NUBP1: variants seen among roughly 807,000 people sequenced by gnomAD.
NUBP1 encodes cytosolic Fe-S cluster assembly factor NUBP1.
A neutral mutation model predicts 41.8 loss-of-function variants in NUBP1; 46 were observed. That is an observed-to-expected ratio of 1.10 (90% CI 0.87 to 1.41). The LOEUF is 1.41. NUBP1 is among the 40% of genes most tolerant of loss of function. NUBP1 has a pLI of 0.00. For synonymous variants in NUBP1, 189 were observed against 154.6 expected, an observed-to-expected ratio of 1.22 and a Z score of -1.65; for missense variants, 494 against 414.0, an observed-to-expected ratio of 1.19 and a Z score of -1.68.
rs1900807719 is a variant in NUBP1 at position 10,759,696 on chromosome 16, A to G, written c.607-1668A>G. Among the ~76,000 whole-genome samples, 1 of 152,162 alleles carries G rather than the reference A, an allele frequency of 6.6e-6. No individual in the cohort carries two copies. Among genetic ancestry groups the G allele is most frequent in the African/African-American group, 2.4e-5 (1 of 41,444 alleles). ...GAGGCTGAGGTGGGAGAAGTGCTTG[A>G]ATCCAGGAGACAGAGGTTGCAGTGA... On this transcript the variant is annotated intron_variant, in intron 7 of 10. Transcript: ENST00000283027. The surrounding 1 kb of genome is among the most constrained non-coding windows in gnomAD (Gnocchi z 4.7).
chr16:10,764,132 C>G (rs2030471227), intron 9 of NUBP1, among the ~76,000 whole-genome samples: 1 of 152,152 alleles, frequency 6.6e-6, no homozygotes, highest in Non-Finnish European at 1.5e-5. Context: ...ACGGGAGCAT[C>G]CCAACTCAAA....
At chr16:10,753,995 G>T (rs1900440448) in intron 4 of NUBP1, among the ~76,000 whole-genome samples, 1 of 152,144 alleles carries the variant, frequency 6.6e-6, no homozygotes. Context: ...GTGAGGCTTG[G>T]TCACATACCC....
At chr16:10,748,988 G>A (rs1900180749) in intron 3 of NUBP1, among the ~76,000 whole-genome samples, 1 of 151,928 alleles carries the variant, frequency 6.6e-6, no homozygotes. Flanking sequence ...CTACTCGGGA[G>A]GCCGAGGCAT....
At chr16:10,760,062 G>C (rs1453732902) in intron 7 of NUBP1, among the ~76,000 whole-genome samples, 1 of 152,252 alleles carries the variant, frequency 6.6e-6, no homozygotes, top group Non-Finnish European at 1.5e-5. Flanking sequence ...TTTATACACA[G>C]TAATCACATT....
rs1015608851 is a variant in NUBP1 at position 10,765,447 on chromosome 16, G to A, written c.821-2502G>A. 2.0e-5 allele frequency among the ~76,000 whole-genome samples: 3 copies of A among 151,948 alleles called. No homozygotes were observed. The highest frequency in any genetic ancestry group is 1.3e-4 in the Admixed American group (2 of 15,244). On this transcript the variant is annotated intron_variant, in intron 9 of 10. Transcript: ENST00000283027. The surrounding 1 kb of genome is among the most constrained non-coding windows in gnomAD (Gnocchi z 4.0). ...ACTTGAGCCCAGGGAGGTTGAGGTTGCAGTGAGCCATGATCACACCACTGC... is the reference window on the plus strand; with the variant it reads ...ACTTGAGCCCAGGGAGGTTGAGGTTACAGTGAGCCATGATCACACCACTGC...
chr16:10,762,574 G>A lies in NUBP1; in HGVS notation c.820+715G>A, dbSNP rs544196350. Among the ~76,000 whole-genome samples the A allele has an allele frequency of 8.0e-4, 122 of 152,206 alleles. 1 individual carries two copies. Among genetic ancestry groups the A allele is most frequent in the African/African-American group, 2.8e-3 (117 of 41,540 alleles). On this transcript the variant is annotated intron_variant, in intron 9 of 10. Coordinates refer to ENST00000283027, the MANE Select transcript of NUBP1 (RefSeq NM_002484.4). ...GGAGCCGGGCGGGCCTCCGTTACTG[G>A]GGCCCTTTAGTGGGGCTCCTGCGGG... is the stretch of plus-strand genomic sequence containing the variant.
In NUBP1 at chr16:10,752,690, T is replaced by C. The variant is rs528198165; in HGVS notation, c.327+12T>C. On this transcript the variant is annotated intron_variant, in intron 4 of 10. Transcript: ENST00000283027. ...TGGAAGGAGAGCAGGTAATAGCCGG[T>C]TACAGAACTCAGGAAATTATTCTCT... 3.7e-6 allele frequency: 6 copies of C among 1,611,464 alleles called. No homozygotes were observed. Among genetic ancestry groups the C allele is most frequent in the Non-Finnish European group, 5.1e-6 (6 of 1,177,660 alleles).
intron 4 of NUBP1, among the ~76,000 whole-genome samples, chr16:10,753,848 A>C (rs1162138271): frequency 1.3e-5 from 2 of 151,994 alleles, no homozygotes; most frequent in East Asian, 1.9e-4. Context: ...CGCTGACACA[A>C]GGTGTCCTTG....
chr16:10,757,795 CT>C lies in NUBP1; in HGVS notation c.452-75del. The C allele has an allele frequency of 6.4e-7, 1 of 1,551,244 alleles. No individual in the cohort carries two copies. The highest frequency in any genetic ancestry group is 1.8e-5 in the Admixed American group (1 of 55,812). ...CTGGGCAACATAGCAAGACCCCATC[CT>C]TTAAAAAAAAAAGAGGGAGTTGAAA... On this transcript the variant is annotated intron_variant, in intron 6 of 10. Coordinates refer to ENST00000283027, the MANE Select transcript of NUBP1 (RefSeq NM_002484.4). The surrounding 1 kb of genome is among the most constrained non-coding windows in gnomAD (Gnocchi z 4.1).
At chr16:10,755,688 T>C in intron 4 of NUBP1, 33 bp from the exon 5 acceptor site, 1 of 1,611,212 alleles carries the variant, frequency 6.2e-7, no homozygotes. Flanking sequence ...ACATGATTTC[T>C]ACTAATGAAC....
chr16:10,748,991 C>T (rs1437190697), intron 3 of NUBP1, among the ~76,000 whole-genome samples: 4 of 151,182 alleles, frequency 2.6e-5, no homozygotes, highest in African/African-American at 9.7e-5. Flanking sequence ...CTCGGGAGGC[C>T]GAGGCATGAG....
At position 10,757,889 on chromosome 16, in the gene NUBP1, C is replaced by T. The variant is rs756665704; in HGVS notation, c.468C>T (p.Phe156=). 9 of 1,613,866 alleles carry T rather than the reference C, an allele frequency of 5.6e-6. No homozygotes were observed. Among genetic ancestry groups the T allele is most frequent in the African/African-American group, 1.3e-5 (1 of 74,920 alleles). Residue 156 remains phenylalanine (F), a synonymous_variant, in exon 7 of 11, where the codon TTC becomes TTT. Coordinates refer to ENST00000283027, the MANE Select transcript of NUBP1 (RefSeq NM_002484.4). This position sits in a 1 kb window ranked among gnomAD's most constrained non-coding sequence, Gnocchi z 4.1. ...GPKKNGMIKQ[F]LRDVDWGEVD... ...TCTTTCTAGGCATGATCAAGCAGTT[C>T]CTCCGAGATGTGGACTGGGGAGAGG...
intron 9 of NUBP1, among the ~76,000 whole-genome samples, chr16:10,762,402 A>T (rs1360948104): frequency 2.6e-5 from 4 of 151,990 alleles, no homozygotes; most frequent in African/African-American, 9.7e-5. Context: ...AGAGATGCCC[A>T]CTCCCTGAGT....
intron 2 of NUBP1, among the ~76,000 whole-genome samples, chr16:10,745,271 C>G (rs1900008797): frequency 6.6e-6 from 1 of 151,678 alleles, no homozygotes; most frequent in Non-Finnish European, 1.5e-5. Flanking sequence ...GAGTTCGAGA[C>G]CAGCCTGGCC....
chr16:10,762,855 G>A (rs2030196669), intron 9 of NUBP1, among the ~76,000 whole-genome samples: 1 of 152,160 alleles, frequency 6.6e-6, no homozygotes, highest in African/African-American at 2.4e-5. Context: ...TGGAGGCGGG[G>A]AGGGCGGAGG....
chr16:10,757,776 A>C lies in NUBP1; in HGVS notation c.452-97A>C. 2 of 1,480,452 alleles carry C rather than the reference A, an allele frequency of 1.4e-6. No homozygotes were observed. The highest frequency in any genetic ancestry group is 1.8e-6 in the Non-Finnish European group (2 of 1,090,208). The allele number at this position is 1,480,452 out of a possible 1,614,324, so 91.7% of individuals were successfully genotyped here. A position where few individuals can be genotyped will look rare whatever the true frequency, so the allele number is the denominator to read the frequency against. On this transcript the variant is annotated intron_variant, in intron 6 of 10. Coordinates refer to ENST00000283027, the MANE Select transcript of NUBP1 (RefSeq NM_002484.4). This position sits in a 1 kb window ranked among gnomAD's most constrained non-coding sequence, Gnocchi z 4.1. ...CTCAGAGTTAAGAGCCAACCTGGGCAACATAGCAAGACCCCATCCTTTAAA... is the reference window on the plus strand; with the variant it reads ...CTCAGAGTTAAGAGCCAACCTGGGCCACATAGCAAGACCCCATCCTTTAAA...
In NUBP1 at chr16:10,766,940, C is replaced by T; in HGVS notation, c.821-1009C>T. Reference sequence around the variant, plus strand: ...GTTCCCTGCCTCTGGACCCTATTTTCCTGACTCACTGGGCCATATGGGCTC... The same window carrying T: ...GTTCCCTGCCTCTGGACCCTATTTTTCTGACTCACTGGGCCATATGGGCTC... On this transcript the variant is annotated intron_variant, in intron 9 of 10. Transcript: ENST00000283027. The surrounding 1 kb of genome is among the most constrained non-coding windows in gnomAD (Gnocchi z 4.8). 2.5e-6 allele frequency: 1 copy of T among 398,694 alleles called. No individual in the cohort carries two copies. Among genetic ancestry groups the T allele is most frequent in the Non-Finnish European group, 4.4e-6 (1 of 226,100 alleles). 24.7% of individuals were successfully genotyped at this position (398,694 alleles called of 1,614,324 possible). A position where few individuals can be genotyped will look rare whatever the true frequency, so the allele number is the denominator to read the frequency against.
intron 3 of NUBP1, among the ~76,000 whole-genome samples, chr16:10,751,025 A>G (rs981409885): frequency 4.6e-5 from 7 of 152,198 alleles, no homozygotes; most frequent in African/African-American, 1.7e-4. Flanking sequence ...ATCAACAGGA[A>G]GTCTGAACAG....
intron 7 of NUBP1, 58 bp from the exon 8 acceptor site, chr16:10,761,306 C>T: frequency 4.6e-6 from 7 of 1,520,352 alleles, no homozygotes; most frequent in Non-Finnish European, 6.4e-6. Context: ...CTCGGTTGCA[C>T]AGACATTCCC....
Sources: gnomAD v4.1 joint callset for allele counts (sites outside exome capture counted in the v4.1 genomes callset) on GRCh38, gnomAD v4.1.1 for gene constraint, Gnocchi (gnomAD v3.1) non-coding constraint, MANE v1.5 for transcripts, NCBI Gene and HGNC (gene_info 2026-07-23, HGNC 2026-07-21) for gene names.